ARL10: variants seen among roughly 807,000 people sequenced by gnomAD.
ARL10 encodes ADP-ribosylation factor-like protein 10.
In ARL10, 23 loss-of-function variants were observed where a neutral mutation model predicts 26.1. The observed-to-expected ratio is 0.88, with a 90% confidence interval of 0.63 to 1.25. The LOEUF (loss-of-function observed/expected upper bound fraction) is 1.25. ARL10 is among the 50% of genes most tolerant of loss of function. The probability of loss-of-function intolerance (pLI) is 0.00; values close to 1 mark genes in which losing one functional copy is unlikely to be tolerated. For missense variants in ARL10, 300 were observed against 323.6 expected, an observed-to-expected ratio of 0.93 and a Z score of 0.56; for synonymous variants, 138 against 149.1, an observed-to-expected ratio of 0.93 and a Z score of 0.54.
chr5:176,367,883 A>C (rs1027497017), intron 2 of ARL10: 13 of 521,568 alleles, frequency 2.5e-5, no homozygotes, highest in African/African-American at 2.3e-4. Context: ...TGTCCTTCCC[A>C]GTTAGGGAGG....
chr5:176,367,897 C>G (rs577624763), intron 2 of ARL10: 23 of 527,986 alleles, frequency 4.4e-5, no homozygotes, highest in Non-Finnish European at 3.9e-5. Context: ...AGGGAGGGAG[C>G]TCCTTGGTGC....
chr5:176,387,072 C>A, intron 1 of ARL10: 1 of 591,472 alleles, frequency 1.7e-6, no homozygotes, highest in Non-Finnish European at 3.0e-6. Flanking sequence ...TTTTCTCTCT[C>A]TCTCTCTTTT....
chr5:176,388,399 G>A, exon 2 of ARL10: 2 of 1,612,976 alleles, frequency 1.2e-6, no homozygotes, highest in South Asian at 2.2e-5. Flanking sequence ...TCCCGGCCGA[G>A]GCCCACGGCC....
chr5:176,402,805 TAA>T (rs1337759778), downstream of ARL10, among the ~76,000 whole-genome samples: 1 of 151,978 alleles, frequency 6.6e-6, no homozygotes, highest in African/African-American at 2.4e-5. Context: ...ACAGTTCAGA[TAA>T]AGAGAGTGGG....
chr5:176,369,375 G>T, intron 3 of ARL10: 1 of 463,404 alleles, frequency 2.2e-6, no homozygotes, highest in East Asian at 7.1e-5. Context: ...TGGGATTACA[G>T]GTATGTGCCA....
At chr5:176,385,496 G>C (rs966263539), downstream of ARL10, among the ~76,000 whole-genome samples, 1 of 152,146 alleles carries the variant, frequency 6.6e-6, no homozygotes, top group African/African-American at 2.4e-5. Flanking sequence ...ACCTCCTTCA[G>C]CCCCTTGGAT....
chr5:176,401,265 G>A (rs1756803829), intron 1 of ARL10, among the ~76,000 whole-genome samples: 1 of 152,206 alleles, frequency 6.6e-6, no homozygotes, highest in Admixed American at 6.5e-5. Flanking sequence ...GTGTATATGG[G>A]TTTATCCAGG....
At chr5:176,394,287 C>A in intron 1 of ARL10, among the ~76,000 whole-genome samples, 1 of 152,226 alleles carries the variant, frequency 6.6e-6, no homozygotes, top group Non-Finnish European at 1.5e-5. Context: ...GACGACAGAG[C>A]CTGTCAGAAA....
chr5:176,410,729 T>C, the ARL10 span, among the ~76,000 whole-genome samples: 13 of 151,276 alleles, frequency 8.6e-5, no homozygotes, highest in African/African-American at 3.2e-4. Context: ...GGGCAGGGGC[T>C]ACACTGGATA....
At chr5:176,401,755 A>G (rs1425415270) in exon 2 of ARL10, 1 of 456,244 alleles carries the variant, frequency 2.2e-6, no homozygotes, top group South Asian at 1.5e-5. Flanking sequence ...TAAAATGAAA[A>G]CAGCGACACT....
chr5:176,375,279 TCCATCCAC>T lies in ARL10; in HGVS notation c.*3392_*3399del, dbSNP rs1768664774. The T allele has an allele frequency of 2.2e-5, 1 of 46,126 alleles. No homozygotes were observed. The highest frequency in any genetic ancestry group is 2.4e-4 in the Admixed American group (1 of 4,092). The allele number at this position is 46,126 out of a possible 1,614,324, so 2.9% of individuals were successfully genotyped here. Reference sequence around the variant, plus strand: ...ATCCATCCACCCATCCACCCATCCATCCATCCACCCATCCATCCATCCATCCATCCATC... The same window carrying T: ...ATCCATCCACCCATCCACCCATCCATCCATCCATCCATCCATCCATCCATC... On this transcript the variant is annotated 3_prime_UTR_variant, in exon 4 of 4. Transcript: ENST00000310389.
intron 2 of ARL10, among the ~76,000 whole-genome samples, chr5:176,367,772 C>G (rs139686115): frequency 1.3e-5 from 2 of 152,376 alleles, no homozygotes; most frequent in African/African-American, 4.8e-5. Flanking sequence ...GAGACCTACC[C>G]AGACCACCCA....
rs890676279 is a variant in ARL10 at position 176,378,382 on chromosome 5, C to T, written c.*6487C>T. On this transcript the variant is annotated 3_prime_UTR_variant, in exon 4 of 4. Coordinates refer to ENST00000310389, the MANE Select transcript of ARL10 (RefSeq NM_173664.6). ...TTATAAGAATTTGTTATTTATTTTT[C>T]ACCTTTACTCAAGATAGCTTGGAAC... The T allele has an allele frequency of 6.6e-6, 1 of 152,198 alleles. No individual in the cohort carries two copies. Among genetic ancestry groups the T allele is most frequent in the African/African-American group, 2.4e-5 (1 of 41,448 alleles). 9.4% of individuals were successfully genotyped at this position (152,198 alleles called of 1,614,324 possible). A position where few individuals can be genotyped will look rare whatever the true frequency, so the allele number is the denominator to read the frequency against.
At chr5:176,409,958 C>A in the ARL10 span, among the ~76,000 whole-genome samples, 2 of 152,286 alleles carry the variant, frequency 1.3e-5, no homozygotes, top group East Asian at 3.9e-4. Flanking sequence ...GAAGGCCTTG[C>A]GCTGCCTTCA....
chr5:176,405,939 T>C (rs1757096588), downstream of ARL10: 3 of 154,988 alleles, frequency 1.9e-5, no homozygotes, highest in South Asian at 4.1e-4. Context: ...ATGGCTGCTG[T>C]GGCCTGCTGT....
At position 176,366,405 on chromosome 5, in the gene ARL10, C is replaced by T. The variant is rs778398162; in HGVS notation, c.209C>T (p.Pro70Leu). 8.7e-6 allele frequency: 14 copies of T among 1,610,882 alleles called. No individual in the cohort carries two copies. The highest frequency in any genetic ancestry group is 7.7e-5 in the South Asian group (7 of 90,894). ...CCCGAGGACGAGGAGGACGAGGAGC[C>T]GGCGCTGGAGGAGCTGGAACAGCGC... is the stretch of plus-strand genomic sequence containing the variant. ...WDPEDEEDEE[P>L]ALEELEQREV... is the part of the protein sequence containing the mutation. Residue 70 changes from proline (P) to leucine (L), a missense_variant, in exon 2 of 4, where the codon CCG becomes CTG. Pro to Leu is a moderately conservative substitution (Grantham distance 98). Transcript: ENST00000310389.
chr5:176,398,605 C>T (rs541621814), intron 1 of ARL10, among the ~76,000 whole-genome samples: 11 of 151,546 alleles, frequency 7.3e-5, no homozygotes, highest in Non-Finnish European at 1.5e-4. Context: ...CCAGCTACTC[C>T]GGAGGCTGAG....
downstream of ARL10, among the ~76,000 whole-genome samples, chr5:176,385,582 G>A (rs948488092): frequency 6.6e-6 from 1 of 152,296 alleles, no homozygotes; most frequent in Admixed American, 6.5e-5. Context: ...TTCTCTCCGG[G>A]CCTCAGGTGG....
chr5:176,384,723 T>G, downstream of ARL10: 1 of 381,310 alleles, frequency 2.6e-6, no homozygotes, highest in Non-Finnish European at 4.7e-6. Flanking sequence ...TGAGCCATGA[T>G]CACACCACTG....
Sources: gnomAD v4.1 joint callset for allele counts (sites outside exome capture counted in the v4.1 genomes callset) on GRCh38, gnomAD v4.1.1 for gene constraint, MANE v1.5 for transcripts, NCBI Gene and HGNC (gene_info 2026-07-23, HGNC 2026-07-21) for gene names.